PCDHGA1: variants seen among roughly 807,000 people sequenced by gnomAD.
The protein encoded by PCDHGA1 is protocadherin gamma subfamily A, 1, also known as protocadherin gamma-A1.
In PCDHGA1, 32 loss-of-function variants were observed where a neutral mutation model predicts 58.0. That is an observed-to-expected ratio of 0.55 (90% CI 0.42 to 0.74). PCDHGA1 has a LOEUF of 0.74. Among genes scored for constraint, PCDHGA1 ranks in the 30% least tolerant of loss-of-function variants. PCDHGA1 has a pLI of 0.00. For missense variants in PCDHGA1, 1,205 were observed against 1,182.3 expected (o/e 1.02, Z -0.28); for synonymous variants, 498 against 501.1 (o/e 0.99, Z 0.08).
At chr5:141,470,227 C>A (rs1387947362) in intron 1 of PCDHGA1, among the ~76,000 whole-genome samples, 1 of 152,160 alleles carries the variant, frequency 6.6e-6, no homozygotes, top group Non-Finnish European at 1.5e-5. Flanking sequence ...AGCTTCTTCA[C>A]CAAACCCTTG....
In PCDHGA1 at chr5:141,376,000, G is replaced by A. The variant is rs771269314; in HGVS notation, c.2421+42895G>A. The A allele has an allele frequency of 1.4e-5, 22 of 1,613,334 alleles. No individual in the cohort carries two copies. In the Admixed American group the frequency reaches 3.3e-4, roughly 24 times the overall value. On this transcript the variant is annotated intron_variant, in intron 1 of 3. Transcript: ENST00000517417. Reference sequence around the variant, plus strand: ...CCCTGCTGGACAGAGACGCGCTCAAGCAGAGCCTAGTGGTGGCCGTCCAGG... The same window carrying A: ...CCCTGCTGGACAGAGACGCGCTCAAACAGAGCCTAGTGGTGGCCGTCCAGG...
chr5:141,485,226 T>C lies in PCDHGA1; in HGVS notation c.2422-9581T>C. ...GAAATCTGGCGGTGGGCTACCCTTT[T>C]GTTCCTCTTTTACCACCTGGGTTAC... On this transcript the variant is annotated intron_variant, in intron 1 of 3. Transcript: ENST00000517417. The surrounding 1 kb of genome is among the most constrained non-coding windows in gnomAD (Gnocchi z 5.7). 1.9e-6 allele frequency: 3 copies of C among 1,614,170 alleles called. No homozygotes were observed. Among genetic ancestry groups the C allele is most frequent in the Non-Finnish European group, 2.5e-6 (3 of 1,180,026 alleles).
intron 1 of PCDHGA1, chr5:141,423,750 TGGGGG>T: frequency 5.2e-5 from 15 of 287,416 alleles, no homozygotes; most frequent in Non-Finnish European, 6.3e-5. Context: ...GAAAACTGTT[TGGGGG>T]GGGGGTGGGG....
intron 1 of PCDHGA1, chr5:141,346,130 G>C (rs762061396): frequency 7.7e-5 from 125 of 1,613,802 alleles, no homozygotes; most frequent in Non-Finnish European, 9.8e-5. Flanking sequence ...CGGTGGCCGC[G>C]GTCTCCTGCG....
At chr5:141,363,620 A>G (rs779987029) in intron 1 of PCDHGA1, among the ~76,000 whole-genome samples, 3 of 152,264 alleles carry the variant, frequency 2.0e-5, no homozygotes, top group Admixed American at 1.3e-4. Context: ...TAGTGGAGAG[A>G]CTTTCTCAAA....
chr5:141,429,910 T>C (rs2097252047), intron 1 of PCDHGA1, among the ~76,000 whole-genome samples: 1 of 152,230 alleles, frequency 6.6e-6, no homozygotes, highest in East Asian at 1.9e-4. Context: ...TTTTGAAATA[T>C]AATGTATTAA....
intron 1 of PCDHGA1, chr5:141,407,989 T>C: frequency 1.2e-6 from 1 of 833,618 alleles, no homozygotes; most frequent in Non-Finnish European, 1.8e-6. Context: ...TCCGTCAGCC[T>C]CTGGCCTGGG....
At chr5:141,383,570 G>T in intron 1 of PCDHGA1, 2 of 1,613,234 alleles carry the variant, frequency 1.2e-6, no homozygotes, top group Non-Finnish European at 1.7e-6. Context: ...CCCCGATCCA[G>T]CACCGCCCAC....
intron 1 of PCDHGA1, chr5:141,351,719 A>C: frequency 6.2e-7 from 1 of 1,613,794 alleles, no homozygotes; most frequent in Non-Finnish European, 8.5e-7. Flanking sequence ...CTCCTACTCT[A>C]TTCTGGCCAG....
intron 1 of PCDHGA1, among the ~76,000 whole-genome samples, chr5:141,381,833 T>C (rs1385600494): frequency 7.2e-5 from 10 of 138,622 alleles, no homozygotes; most frequent in African/African-American, 2.5e-4. Context: ...CTTCTTTTTT[T>C]TTTTTTTTTT....
chr5:141,389,323 G>A (rs1230521211), intron 1 of PCDHGA1: 1 of 1,613,862 alleles, frequency 6.2e-7, no homozygotes. Context: ...CCGGACTTGG[G>A]GCCCAACGGC....
chr5:141,439,676 G>A (rs543598257), intron 1 of PCDHGA1, among the ~76,000 whole-genome samples: 27 of 152,292 alleles, frequency 1.8e-4, no homozygotes, highest in Admixed American at 1.0e-3. Flanking sequence ...GCAAATCCAA[G>A]AGCAGACCCA....
Position 141,332,947 on chromosome 5 carries a change from C to T in PCDHGA1, c.2263C>T (p.His755Tyr), listed in dbSNP as rs542482175. ...GVRAFLQTYS[H>Y]EVSLTADSRK... ...TCGGGCTTTCCTGCAGACCTATTCCCACGAGGTCTCCCTCACTGCGGACTC... is the reference window on the plus strand; with the variant it reads ...TCGGGCTTTCCTGCAGACCTATTCCTACGAGGTCTCCCTCACTGCGGACTC... Residue 755 changes from histidine to tyrosine, a missense_variant, in exon 1 of 4, where the codon CAC becomes TAC. Transcript: ENST00000517417. This position sits in a 1 kb window ranked among gnomAD's most constrained non-coding sequence, Gnocchi z 4.6. 8 of 1,614,208 alleles carry T rather than the reference C, an allele frequency of 5.0e-6. No individual in the cohort carries two copies. The Admixed American group carries it at 8.3e-5, about 17-fold the overall frequency.
At chr5:141,496,602 C>T (rs981108050) in intron 2 of PCDHGA1, among the ~76,000 whole-genome samples, 1 of 152,150 alleles carries the variant, frequency 6.6e-6, no homozygotes, top group Non-Finnish European at 1.5e-5. Flanking sequence ...TCTTAGAAGG[C>T]CCCTAAAAAG....
intron 1 of PCDHGA1, chr5:141,385,394 C>T: frequency 1.3e-5 from 19 of 1,499,976 alleles, no homozygotes; most frequent in Non-Finnish European, 1.7e-5. Context: ...TTTTGCAAAA[C>T]AAATGTTTTG....
intron 1 of PCDHGA1, among the ~76,000 whole-genome samples, chr5:141,406,540 A>C (rs1180847016): frequency 6.6e-6 from 1 of 152,216 alleles, no homozygotes; most frequent in Non-Finnish European, 1.5e-5. Context: ...ACGAAGATTC[A>C]AACTTCAGTT....
At chr5:141,390,506 T>A in intron 1 of PCDHGA1, 1 of 598,006 alleles carries the variant, frequency 1.7e-6, no homozygotes, top group Non-Finnish European at 2.9e-6. Context: ...CAAGCTTAGA[T>A]TTATAAAGCA....
At chr5:141,366,561 A>T in intron 1 of PCDHGA1, 1 of 1,614,210 alleles carries the variant, frequency 6.2e-7, no homozygotes, top group South Asian at 1.1e-5. Context: ...GTGGGCGTGG[A>T]TGGGGTTCGG....
At chr5:141,374,607 A>C in intron 1 of PCDHGA1, 1 of 1,613,660 alleles carries the variant, frequency 6.2e-7, no homozygotes, top group Non-Finnish European at 8.5e-7. Context: ...CTCAGTGGTA[A>C]TAGTCACTTC....
Sources: gnomAD v4.1 joint callset for allele counts (sites outside exome capture counted in the v4.1 genomes callset) on GRCh38, gnomAD v4.1.1 for gene constraint, Gnocchi (gnomAD v3.1) non-coding constraint, MANE v1.5 for transcripts, NCBI Gene and HGNC (gene_info 2026-07-23, HGNC 2026-07-21) for gene names.